Variants in CFAP221 observed in about 807,000 individuals in gnomAD.
The protein encoded by CFAP221 is cilia- and flagella-associated protein 221.
Under a neutral mutation model 113.1 loss-of-function variants are expected in CFAP221, and 97 were observed. The ratio of observed to expected loss-of-function variants is 0.86; its 90% CI spans 0.73 to 1.02. CFAP221 has a LOEUF of 1.02. CFAP221 is among the 50% of genes least tolerant of loss of function. The pLI is 0.00. For synonymous variants in CFAP221, 331 were observed against 354.4 expected, an observed-to-expected ratio of 0.93 and a Z score of 0.74; for missense variants, 1,025 against 1,013.4, an observed-to-expected ratio of 1.01 and a Z score of -0.16.
chr2:119,549,429 C>G (rs1379783241), intron 3 of CFAP221, among the ~76,000 whole-genome samples: 1 of 152,188 alleles, frequency 6.6e-6, no homozygotes, highest in Non-Finnish European at 1.5e-5. Flanking sequence ...CTGAGTGACT[C>G]ATAGGGGCCA....
At chr2:119,591,520 G>A (rs972696578) in intron 7 of CFAP221, among the ~76,000 whole-genome samples, 1 of 152,240 alleles carries the variant, frequency 6.6e-6, no homozygotes, top group Non-Finnish European at 1.5e-5. Context: ...CATGCCAGGT[G>A]CTGTGCTAAG....
chr2:119,621,117 C>T (rs1318236538), intron 14 of CFAP221, among the ~76,000 whole-genome samples: 3 of 151,486 alleles, frequency 2.0e-5, no homozygotes, highest in South Asian at 2.1e-4. Flanking sequence ...CCCAGCTACT[C>T]AGGAGGCTGA....
Position 119,615,773 on chromosome 2 carries a change from A to G in CFAP221, c.1410+64A>G, listed in dbSNP as rs750534356. On this transcript the variant is annotated intron_variant, in intron 14 of 23. Transcript: ENST00000413369. ...CTCATCAGCATAAGGAAATCAAGCA[A>G]TGGTGGTTTGATAACACCTTTATTG... 5.4e-5 allele frequency: 70 copies of G among 1,307,118 alleles called. No individual in the cohort carries two copies. In the Middle Eastern group the frequency reaches 5.5e-4, roughly 10 times the overall value. The allele number at this position is 1,307,118 out of a possible 1,614,324, so 81.0% of individuals were successfully genotyped here. A position where few individuals can be genotyped will look rare whatever the true frequency, so the allele number is the denominator to read the frequency against.
intron 23 of CFAP221, chr2:119,656,154 A>C (rs536455914): frequency 3.4e-4 from 174 of 517,746 alleles, no homozygotes; most frequent in Non-Finnish European, 5.5e-4. Context: ...TCAGAAACTG[A>C]TGCAGCTGAG....
Position 119,639,798 on chromosome 2 carries a change from A to G in CFAP221, c.2151A>G (p.Ile717Met), listed in dbSNP as rs750367816. The G allele has an allele frequency of 6.2e-7, 1 of 1,614,132 alleles. No individual in the cohort carries two copies. Among genetic ancestry groups the G allele is most frequent in the Non-Finnish European group, 8.5e-7 (1 of 1,179,984 alleles). Residue 717 changes from isoleucine (I) to methionine (M), a missense_variant, in exon 21 of 24, where the codon ATA (isoleucine) becomes ATG (methionine). Ile to Met is a conservative substitution (Grantham distance 10, BLOSUM62 1). Coordinates refer to ENST00000413369, the MANE Select transcript of CFAP221 (RefSeq NM_001271049.2). Reference protein sequence around the residue: ...FLHHTDIIPGIMHWKSFQSLV... With the variant: ...FLHHTDIIPGMMHWKSFQSLV... The stretch of plus-strand genomic sequence containing the variant: ...CCTTACAGGACATTATTCCCGGAAT[A>G]ATGCACTGGAAAAGCTTCCAGTCCC...
chr2:119,612,384 G>A (rs911885553), intron 13 of CFAP221, among the ~76,000 whole-genome samples: 2 of 152,216 alleles, frequency 1.3e-5, no homozygotes, highest in Non-Finnish European at 2.9e-5. Flanking sequence ...AGAAGAAGAA[G>A]CAAATACTTC....
intron 23 of CFAP221, 102 bp from the exon 24 acceptor site, chr2:119,656,260 C>A: frequency 1.2e-6 from 1 of 838,190 alleles, no homozygotes; most frequent in Non-Finnish European, 2.0e-6. Context: ...GTATATTAAA[C>A]GAAATGCTCC....
intron 3 of CFAP221, among the ~76,000 whole-genome samples, chr2:119,553,504 A>C (rs1302301392): frequency 1.3e-5 from 2 of 152,188 alleles, no homozygotes; most frequent in African/African-American, 4.8e-5. Context: ...TGGAATTTTA[A>C]AGGATAATGT....
At chr2:119,555,727 C>T (rs1680747016) in intron 3 of CFAP221, among the ~76,000 whole-genome samples, 1 of 152,152 alleles carries the variant, frequency 6.6e-6, no homozygotes, top group Non-Finnish European at 1.5e-5. Flanking sequence ...AGACCAGGTT[C>T]TAGGTCCAGG....
intron 8 of CFAP221, chr2:119,602,834 A>C: frequency 1.1e-6 from 1 of 942,772 alleles, no homozygotes; most frequent in Non-Finnish European, 1.3e-6. Flanking sequence ...AAGACATAAC[A>C]TGAGTGCGAT....
rs558885746 is a variant in CFAP221, at chr2:119,642,789, C to T, written c.2225+2917C>T. Among the ~76,000 whole-genome samples the T allele has an allele frequency of 1.1e-4, 16 of 152,170 alleles. No individual in the cohort carries two copies. The East Asian group carries it at 2.9e-3, about 28-fold the overall frequency. On this transcript the variant is annotated intron_variant, in intron 21 of 23. Transcript: ENST00000413369. ...TCCTGGCCTCAAGCAATCCTCCCAC[C>T]TCAGCCTCCCAAAGTGCTGGGATTA...
chr2:119,584,962 C>G (rs1246304969), intron 6 of CFAP221, among the ~76,000 whole-genome samples: 1 of 152,162 alleles, frequency 6.6e-6, no homozygotes, highest in East Asian at 1.9e-4. Flanking sequence ...AGCTCTACTG[C>G]AGGTGCATGT....
chr2:119,645,928 C>T (rs1687774686), intron 21 of CFAP221, among the ~76,000 whole-genome samples: 2 of 152,106 alleles, frequency 1.3e-5, no homozygotes, highest in African/African-American at 4.8e-5. Flanking sequence ...GTTGTGTGTT[C>T]GGTTTTTATT....
intron 23 of CFAP221, among the ~76,000 whole-genome samples, 170 bp downstream of exon 23, chr2:119,652,239 A>T (rs537388540): frequency 1.3e-5 from 2 of 152,188 alleles, no homozygotes; most frequent in African/African-American, 4.8e-5. Flanking sequence ...GCACAATTAC[A>T]CTCCCTGAAA....
chr2:119,627,806 G>A lies in CFAP221; in HGVS notation c.1650+20G>A. ...GAGTTGGTAGGTGCCGTCAGGCTTG[G>A]GGGCGGGGAGTGGACATGATCATGA... On this transcript the variant is annotated intron_variant, in intron 16 of 23. Coordinates refer to ENST00000413369, the MANE Select transcript of CFAP221 (RefSeq NM_001271049.2). The A allele has an allele frequency of 6.2e-7, 1 of 1,612,592 alleles. No individual in the cohort carries two copies. Among genetic ancestry groups the A allele is most frequent in the Non-Finnish European group, 8.5e-7 (1 of 1,179,338 alleles).
intron 8 of CFAP221, among the ~76,000 whole-genome samples, chr2:119,601,737 A>G (rs6704939): frequency 0.042 from 6,414 of 152,280 alleles, 315 homozygotes; most frequent in African/African-American, 0.12. Flanking sequence ...TAAGGTTTCC[A>G]TATAGCATTT....
At chr2:119,550,387 A>G (rs1281578170) in intron 3 of CFAP221, among the ~76,000 whole-genome samples, 1 of 152,220 alleles carries the variant, frequency 6.6e-6, no homozygotes, top group African/African-American at 2.4e-5. Flanking sequence ...GTTTCCATGA[A>G]TCCTTATACA....
chr2:119,600,454 A>G (rs1232968595), intron 7 of CFAP221, among the ~76,000 whole-genome samples: 10 of 152,240 alleles, frequency 6.6e-5, no homozygotes, highest in Admixed American at 6.5e-4. Context: ...TACAGATGAT[A>G]GTTCTGGGAA....
intron 23 of CFAP221, among the ~76,000 whole-genome samples, chr2:119,654,939 C>T (rs1044674319): frequency 5.9e-5 from 9 of 152,174 alleles, no homozygotes; most frequent in African/African-American, 2.2e-4. Flanking sequence ...AAGCCTAATC[C>T]TGTGCTCAGT....
Sources: allele counts gnomAD v4.1 joint callset (sites outside exome capture counted in the v4.1 genomes callset), GRCh38; gene constraint gnomAD v4.1.1; transcripts MANE v1.5; gene names NCBI Gene and HGNC (gene_info 2026-07-23, HGNC 2026-07-21).